The following FAAH2 variants were observed in gnomAD, a reference collection of about 807,000 sequenced individuals.
The protein encoded by FAAH2 is fatty acid amide hydrolase 2.
Under a neutral mutation model 36.9 loss-of-function variants are expected in FAAH2, and 60 were observed. The observed-to-expected ratio is 1.63, with a 90% CI of 1.32 to 2.02. The LOEUF is 2.02. Ranked by LOEUF, FAAH2 falls within the 30% of genes most tolerant of loss-of-function variation. FAAH2 has a pLI of 0.00. For missense variants in FAAH2, 689 were observed against 397.5 expected (o/e 1.73, Z -6.23); for synonymous variants, 214 against 143.8 (o/e 1.49, Z -3.49).
At chrX:57,384,857 A>G (rs757053626) in intron 7 of FAAH2, among the ~76,000 whole-genome samples, 105 of 110,896 alleles carry the variant, frequency 9.5e-4, no homozygotes, top group Admixed American at 1.4e-3. Context: ...GCTATTCACA[A>G]TAGCAAAGAC....
intron 5 of FAAH2, among the ~76,000 whole-genome samples, chrX:57,346,696 A>C (rs2053830718): frequency 9.0e-6 from 1 of 111,231 alleles, no homozygotes; most frequent in Non-Finnish European, 1.9e-5. Flanking sequence ...TATTTGCTTG[A>C]ATTGTTTGTG....
At chrX:57,439,134 G>A (rs1250720861) in intron 8 of FAAH2, among the ~76,000 whole-genome samples, 2 of 110,162 alleles carry the variant, frequency 1.8e-5, no homozygotes, top group Non-Finnish European at 3.8e-5. Flanking sequence ...GGATGGCTGG[G>A]TCAAATGGTA....
At chrX:57,162,245 G>A in the FAAH2 span, among the ~76,000 whole-genome samples, 2 of 111,644 alleles carry the variant, frequency 1.8e-5, no homozygotes, top group Non-Finnish European at 3.8e-5. Flanking sequence ...TAGTCTGATG[G>A]GCTTCCCTTT....
chrX:57,253,823 C>T, the FAAH2 span, among the ~76,000 whole-genome samples: 2 of 111,541 alleles, frequency 1.8e-5, no homozygotes, highest in African/African-American at 6.5e-5. Flanking sequence ...AAAAACATGC[C>T]AAATTGTAAA....
At chrX:57,284,204 C>T (rs1205449060), upstream of FAAH2, among the ~76,000 whole-genome samples, 1 of 111,311 alleles carries the variant, frequency 9.0e-6, no homozygotes, top group East Asian at 2.8e-4. Context: ...TATCCTGCGG[C>T]GTGCCCGGGA....
chrX:57,444,320 C>A (rs1602687894), intron 8 of FAAH2, among the ~76,000 whole-genome samples: 1 of 112,017 alleles, frequency 8.9e-6, no homozygotes, highest in Admixed American at 9.4e-5. Flanking sequence ...GGATGCCCCT[C>A]CCCCAGCCTC....
chrX:57,380,068 A>C (rs1359596469), intron 6 of FAAH2, among the ~76,000 whole-genome samples: 1 of 111,058 alleles, frequency 9.0e-6, no homozygotes, highest in Non-Finnish European at 1.9e-5. Flanking sequence ...GCTTCATGGA[A>C]AATGGGGTAG....
At chrX:57,276,964 G>A in the FAAH2 span, among the ~76,000 whole-genome samples, 302 of 111,122 alleles carry the variant, frequency 2.7e-3, 1 homozygote, top group Non-Finnish European at 5.0e-3. Context: ...GTCCAGGATC[G>A]GACGTATTCA....
intron 7 of FAAH2, chrX:57,393,073 C>G: frequency 1.1e-6 from 1 of 923,378 alleles, no homozygotes; most frequent in African/African-American, 1.9e-5. Flanking sequence ...GTACCCTTGC[C>G]CCCTTCTGCC....
chrX:57,264,956 A>G, the FAAH2 span, among the ~76,000 whole-genome samples: 1 of 111,846 alleles, frequency 8.9e-6, no homozygotes, highest in African/African-American at 3.2e-5. Flanking sequence ...TATTCAAACA[A>G]CTTGATCCAT....
chrX:57,344,244 A>C (rs1416266160), intron 5 of FAAH2, among the ~76,000 whole-genome samples: 3 of 110,646 alleles, frequency 2.7e-5, no homozygotes, highest in African/African-American at 9.8e-5. Flanking sequence ...ATCCATGATA[A>C]TGGAATATTT....
intron 7 of FAAH2, among the ~76,000 whole-genome samples, chrX:57,427,684 A>T (rs1034881655): frequency 2.7e-5 from 3 of 111,762 alleles, no homozygotes; most frequent in Non-Finnish European, 3.8e-5. Context: ...ATGCAGAAAA[A>T]AATTAATAGA....
intron 7 of FAAH2, among the ~76,000 whole-genome samples, chrX:57,407,337 G>T (rs985583021): frequency 8.0e-5 from 9 of 111,883 alleles, no homozygotes. Context: ...TACAACTGCA[G>T]GAGCTCACCA....
chrX:57,405,645 G>C (rs2055549860), intron 7 of FAAH2, among the ~76,000 whole-genome samples: 1 of 105,278 alleles, frequency 9.5e-6, no homozygotes, highest in African/African-American at 3.5e-5. Flanking sequence ...GGGGGCCCAA[G>C]GGGGGTTGCC....
intron 5 of FAAH2, among the ~76,000 whole-genome samples, chrX:57,369,703 G>T (rs895734241): frequency 8.9e-6 from 1 of 111,894 alleles, no homozygotes; most frequent in South Asian, 3.7e-4. Context: ...TACATTAAAT[G>T]CTTAAGGGAG....
the FAAH2 span, among the ~76,000 whole-genome samples, chrX:57,250,277 C>G: frequency 2.7e-5 from 3 of 111,546 alleles, no homozygotes; most frequent in Non-Finnish European, 5.7e-5. Flanking sequence ...AGTTCCCTTT[C>G]TACACATTAA....
At chrX:57,154,627 G>A in the FAAH2 span, among the ~76,000 whole-genome samples, 1 of 110,455 alleles carries the variant, frequency 9.1e-6, no homozygotes, top group African/African-American at 3.3e-5. Context: ...TTTCTCTGGT[G>A]CCTCATTGAT....
chrX:57,246,246 C>A, the FAAH2 span, among the ~76,000 whole-genome samples: 7 of 111,503 alleles, frequency 6.3e-5, no homozygotes, highest in Non-Finnish European at 1.1e-4. Context: ...GCCTAACAAC[C>A]AAAAAGAGTC....
At chrX:57,427,738 T>G (rs113263466) in intron 7 of FAAH2, among the ~76,000 whole-genome samples, 6 of 111,381 alleles carry the variant, frequency 5.4e-5, no homozygotes, top group African/African-American at 2.0e-4. Context: ...AAACTAGGCA[T>G]AGAAGGAACG....
Sources: allele counts gnomAD v4.1 joint callset (sites outside exome capture counted in the v4.1 genomes callset), GRCh38; gene constraint gnomAD v4.1.1; transcripts MANE v1.5; gene names NCBI Gene and HGNC (gene_info 2026-07-23, HGNC 2026-07-21).